The following TRABD2B variants were observed in gnomAD, a reference collection of about 807,000 sequenced individuals.
The protein encoded by TRABD2B is metalloprotease TIKI2.
A neutral mutation model predicts 40.1 loss-of-function variants in TRABD2B; 14 were observed. The ratio of observed to expected loss-of-function variants is 0.35; its 90% confidence interval spans 0.23 to 0.55. TRABD2B has a LOEUF of 0.55. TRABD2B is among the 20% of genes least tolerant of loss of function. The probability of loss-of-function intolerance (pLI) is 0.90; values close to 1 mark genes in which losing one functional copy is unlikely to be tolerated. For synonymous variants in TRABD2B, 263 were observed against 277.0 expected (o/e 0.95, Z 0.50); for missense variants, 541 against 648.6 (o/e 0.83, Z 1.80).
intron 2 of TRABD2B, among the ~76,000 whole-genome samples, chr1:47,933,291 T>G (rs1025269443): frequency 2.6e-5 from 4 of 151,842 alleles, no homozygotes; most frequent in Non-Finnish European, 5.9e-5. Context: ...TTTGTATTTT[T>G]TTAGTAGAGA....
intron 6 of TRABD2B, among the ~76,000 whole-genome samples, chr1:47,773,440 T>C (rs1006058271): frequency 1.3e-5 from 2 of 152,266 alleles, no homozygotes; most frequent in African/African-American, 4.8e-5. Context: ...AAATCTCATC[T>C]TGAATCGTAA....
intron 5 of TRABD2B, among the ~76,000 whole-genome samples, chr1:47,777,472 T>C (rs1410579656): frequency 6.6e-6 from 1 of 152,052 alleles, no homozygotes; most frequent in Non-Finnish European, 1.5e-5. Flanking sequence ...CAGGGAGTAA[T>C]AGTTCAGGGA....
chr1:47,962,532 C>T (rs1296889018), intron 2 of TRABD2B, among the ~76,000 whole-genome samples: 1 of 152,138 alleles, frequency 6.6e-6, no homozygotes, highest in East Asian at 1.9e-4. Context: ...GCCCCCTTTG[C>T]CCTTAATAAT....
chr1:47,892,997 C>T (rs1019023485), intron 2 of TRABD2B, among the ~76,000 whole-genome samples: 1 of 152,136 alleles, frequency 6.6e-6, no homozygotes, highest in Non-Finnish European at 1.5e-5. Context: ...GATTTATACA[C>T]ATTACAGAAG....
At chr1:47,774,163 T>C (rs553455007) in intron 6 of TRABD2B, among the ~76,000 whole-genome samples, 19 of 152,274 alleles carry the variant, frequency 1.2e-4, no homozygotes, top group African/African-American at 4.6e-4. Flanking sequence ...ACATGAGGTC[T>C]GCGGTGGGGC....
chr1:47,939,985 ACT>A (rs747001097), intron 2 of TRABD2B, among the ~76,000 whole-genome samples: 8 of 151,844 alleles, frequency 5.3e-5, no homozygotes, highest in Non-Finnish European at 1.2e-4. Context: ...CCCAGGAAAC[ACT>A]CTATCATGGA....
chr1:47,972,141 A>G (rs960747499), intron 2 of TRABD2B, among the ~76,000 whole-genome samples: 7 of 152,214 alleles, frequency 4.6e-5, no homozygotes, highest in African/African-American at 1.7e-4. Flanking sequence ...TATTATTACA[A>G]TAAATTAAAT....
intron 2 of TRABD2B, among the ~76,000 whole-genome samples, chr1:47,893,365 G>A (rs1457280114): frequency 6.6e-6 from 1 of 152,202 alleles, no homozygotes. Context: ...GGAGTGGCCA[G>A]TATGTGGAAA....
At chr1:47,958,910 T>C (rs541657368) in intron 2 of TRABD2B, among the ~76,000 whole-genome samples, 36 of 152,312 alleles carry the variant, frequency 2.4e-4, no homozygotes, top group Non-Finnish European at 2.4e-4. Context: ...AGAATATACA[T>C]TCTTCTCAGC....
At chr1:47,921,627 T>C (rs1010971899) in intron 2 of TRABD2B, among the ~76,000 whole-genome samples, 9 of 152,250 alleles carry the variant, frequency 5.9e-5, no homozygotes, top group African/African-American at 2.2e-4. Context: ...TCTGAGAATC[T>C]GATAATGCAG....
intron 2 of TRABD2B, among the ~76,000 whole-genome samples, chr1:47,917,178 G>A (rs1035636811): frequency 5.3e-5 from 8 of 152,186 alleles, no homozygotes; most frequent in Non-Finnish European, 8.8e-5. Context: ...GAGGTGAGAA[G>A]AGAGAGTTCC....
At chr1:47,990,769 TTTTATATATATATATATA>T (rs1452590374) in intron 2 of TRABD2B, among the ~76,000 whole-genome samples, 1,859 of 64,244 alleles carry the variant, frequency 0.029, 284 homozygotes, top group African/African-American at 0.039. Flanking sequence ...AAAACGTTGG[TTTTATATATATATATATA>T]TATATATATA....
intron 2 of TRABD2B, among the ~76,000 whole-genome samples, chr1:47,973,431 A>G (rs541181709): frequency 6.6e-6 from 1 of 152,348 alleles, no homozygotes; most frequent in East Asian, 1.9e-4. Context: ...CGAAGATGCC[A>G]CTAACAATGT....
chr1:47,931,608 A>T (rs1261736946), intron 2 of TRABD2B, among the ~76,000 whole-genome samples: 1 of 152,120 alleles, frequency 6.6e-6, no homozygotes, highest in East Asian at 1.9e-4. Context: ...ATGCTTCTGG[A>T]GACACCACGT....
intron 2 of TRABD2B, among the ~76,000 whole-genome samples, chr1:47,971,575 C>A (rs1570393646): frequency 6.6e-6 from 1 of 152,184 alleles, no homozygotes; most frequent in Non-Finnish European, 1.5e-5. Context: ...CACTCAGATA[C>A]CACACCTTAA....
intron 2 of TRABD2B, among the ~76,000 whole-genome samples, chr1:47,902,549 T>C (rs900333459): frequency 3.9e-5 from 6 of 152,218 alleles, no homozygotes; most frequent in Non-Finnish European, 8.8e-5. Context: ...TAGGCTGCAG[T>C]GCAGTGGCAC....
intron 2 of TRABD2B, chr1:47,819,062 T>G (rs966024411): frequency 6.6e-6 from 1 of 152,290 alleles, no homozygotes; most frequent in African/African-American, 2.4e-5. Context: ...ACCATCCCAG[T>G]GCTGACAAGC....
chr1:47,909,531 AAGG>A (rs1308999751), intron 2 of TRABD2B, among the ~76,000 whole-genome samples: 53 of 123,974 alleles, frequency 4.3e-4, no homozygotes, highest in Middle Eastern at 7.6e-3. Flanking sequence ...GGAGAAGGAG[AAGG>A]AGGAGAAGGA....
intron 2 of TRABD2B, among the ~76,000 whole-genome samples, chr1:47,946,188 C>G (rs558199867): frequency 7.6e-4 from 116 of 152,236 alleles, no homozygotes; most frequent in African/African-American, 2.8e-3. Flanking sequence ...ATTCATATAT[C>G]TTCTTTTGAG....
Sources: gnomAD v4.1 joint callset for allele counts (sites outside exome capture counted in the v4.1 genomes callset) on GRCh38, gnomAD v4.1.1 for gene constraint, MANE v1.5 for transcripts, NCBI Gene and HGNC (gene_info 2026-07-23, HGNC 2026-07-21) for gene names.